Variants in NBEA observed in about 807,000 individuals in gnomAD.
NBEA encodes lysosomal-trafficking regulator 2.
NBEA carries 44 observed loss-of-function variants against 343.4 expected under a neutral mutation model. The ratio of observed to expected loss-of-function variants is 0.13; its 90% confidence interval spans 0.10 to 0.16. The LOEUF (loss-of-function observed/expected upper bound fraction) is 0.16, where lower values mean the gene tolerates loss of function less well. Ranked by LOEUF, NBEA falls within the 10% of genes least tolerant of loss-of-function variation. NBEA has a pLI of 1.00. For synonymous variants in NBEA, 1,175 were observed against 1,238.7 expected, an observed-to-expected ratio of 0.95 and a Z score of 1.08; for missense variants, 2,555 against 3,631.3, an observed-to-expected ratio of 0.70 and a Z score of 7.62.
chr13:35,367,780 T>C (rs2041207870), intron 38 of NBEA, among the ~76,000 whole-genome samples: 2 of 151,412 alleles, frequency 1.3e-5, no homozygotes, highest in South Asian at 4.2e-4. Context: ...GGCAGTAAAA[T>C]ATGCCAAATA....
intron 36 of NBEA, among the ~76,000 whole-genome samples, chr13:35,328,565 T>A (rs929793401): frequency 6.6e-6 from 1 of 151,986 alleles, no homozygotes; most frequent in Admixed American, 6.6e-5. Flanking sequence ...TTGCATGATG[T>A]GATTATCATG....
chr13:35,631,170 T>G (rs1369967235), intron 49 of NBEA, among the ~76,000 whole-genome samples: 1 of 152,202 alleles, frequency 6.6e-6, no homozygotes, highest in Non-Finnish European at 1.5e-5. Flanking sequence ...CATCTATTGT[T>G]ATAAGAAAGA....
chr13:35,598,487 T>G (rs2153046417), intron 47 of NBEA, among the ~76,000 whole-genome samples: 1 of 152,340 alleles, frequency 6.6e-6, no homozygotes, highest in East Asian at 1.9e-4. Flanking sequence ...CTGAGTATCT[T>G]TCTCTGCATG....
At chr13:35,082,898 G>A (rs2064500936) in intron 10 of NBEA, among the ~76,000 whole-genome samples, 2 of 152,094 alleles carry the variant, frequency 1.3e-5, no homozygotes, top group Admixed American at 6.6e-5. Context: ...AGTTTCTTTT[G>A]CTGTGCAGAA....
At chr13:35,156,359 C>G (rs1397662833) in intron 20 of NBEA, among the ~76,000 whole-genome samples, 153 bp downstream of exon 20, 1 of 151,652 alleles carries the variant, frequency 6.6e-6, no homozygotes, top group African/African-American at 2.4e-5. Flanking sequence ...AATCTGTATT[C>G]GGTATTCTTC....
At chr13:35,576,940 A>G (rs747714756) in intron 45 of NBEA, among the ~76,000 whole-genome samples, 2 of 152,246 alleles carry the variant, frequency 1.3e-5, no homozygotes, top group Non-Finnish European at 2.9e-5. Flanking sequence ...TAGAAAGTCA[A>G]CTTATACTGG....
At chr13:35,017,177 C>T (rs2061686788) in intron 1 of NBEA, among the ~76,000 whole-genome samples, 1 of 151,992 alleles carries the variant, frequency 6.6e-6, no homozygotes, top group African/African-American at 2.4e-5. Flanking sequence ...ATAGTGGTGA[C>T]ACAGTTATTT....
chr13:35,577,795 A>C (rs2080818328), intron 45 of NBEA, among the ~76,000 whole-genome samples: 1 of 152,178 alleles, frequency 6.6e-6, no homozygotes, highest in Admixed American at 6.5e-5. Context: ...TGGGTTAAAA[A>C]GATGAGAAAG....
At chr13:35,449,140 A>G (rs1009627382) in intron 39 of NBEA, among the ~76,000 whole-genome samples, 1 of 152,232 alleles carries the variant, frequency 6.6e-6, no homozygotes, top group Non-Finnish European at 1.5e-5. Context: ...ATGAGAGGAT[A>G]AAAGGCCTTG....
intron 28 of NBEA, among the ~76,000 whole-genome samples, chr13:35,180,929 A>C (rs145300662): frequency 7.2e-5 from 11 of 151,868 alleles, no homozygotes; most frequent in African/African-American, 1.2e-4. Flanking sequence ...ATGGTTTTCC[A>C]TTCCTGAGTT....
At chr13:35,554,935 T>C in intron 43 of NBEA, 52 bp from the exon 44 acceptor site, 1 of 878,942 alleles carries the variant, frequency 1.1e-6, no homozygotes, top group Non-Finnish European at 1.7e-6. Context: ...TTGGATTTTT[T>C]AAAGTTATGA....
chr13:35,671,173 A>G lies in NBEA; in HGVS notation c.*182A>G, dbSNP rs2085600351. ...TACTTTGTGTGTTTTTTCACGACTG[A>G]ACACCAGCTGCTATCAAGCAAGCTT... On this transcript the variant is annotated 3_prime_UTR_variant, in exon 59 of 59. Transcript: ENST00000379939. The G allele has an allele frequency of 5.4e-6, 3 of 553,046 alleles. No individual in the cohort carries two copies. The highest frequency in any genetic ancestry group is 9.7e-6 in the Non-Finnish European group (3 of 307,992). 34.3% of individuals were successfully genotyped at this position (553,046 alleles called of 1,614,324 possible).
chr13:35,653,919 G>A (rs911681818), intron 53 of NBEA, among the ~76,000 whole-genome samples: 1 of 152,024 alleles, frequency 6.6e-6, no homozygotes, highest in African/African-American at 2.4e-5. Context: ...TGGGACCCTT[G>A]GTCTTCTTGT....
intron 41 of NBEA, among the ~76,000 whole-genome samples, chr13:35,483,846 A>G (rs1479688556): frequency 1.3e-5 from 2 of 152,094 alleles, no homozygotes; most frequent in East Asian, 1.9e-4. Context: ...TAGCCCATGC[A>G]TGCATGCAGG....
chr13:35,656,853 A>T (rs2084834763), intron 55 of NBEA, among the ~76,000 whole-genome samples: 1 of 152,248 alleles, frequency 6.6e-6, no homozygotes. Context: ...CCCAACAGAG[A>T]TAAAAATTTT....
At chr13:35,010,644 G>A (rs181691684) in intron 1 of NBEA, among the ~76,000 whole-genome samples, 61 of 144,724 alleles carry the variant, frequency 4.2e-4, no homozygotes, top group African/African-American at 1.5e-3. Context: ...GCAGCTTGGG[G>A]AATCTAAGGC....
chr13:35,027,221 G>A (rs1222486402), intron 1 of NBEA, among the ~76,000 whole-genome samples: 2 of 151,980 alleles, frequency 1.3e-5, no homozygotes, highest in East Asian at 1.9e-4. Flanking sequence ...TTATGTACAG[G>A]TTTTGTTGTA....
At chr13:35,092,289 G>A (rs2065124476) in intron 10 of NBEA, among the ~76,000 whole-genome samples, 1 of 151,876 alleles carries the variant, frequency 6.6e-6, no homozygotes. Flanking sequence ...AAACGTATAA[G>A]GAAATTTATG....
At chr13:35,467,553 G>GTA (rs2075441097) in intron 40 of NBEA, among the ~76,000 whole-genome samples, 1 of 151,392 alleles carries the variant, frequency 6.6e-6, no homozygotes, top group Admixed American at 6.6e-5. Context: ...TCCCTACAAT[G>GTA]TATACCACTT....
Sources: allele counts gnomAD v4.1 joint callset (sites outside exome capture counted in the v4.1 genomes callset), GRCh38; gene constraint gnomAD v4.1.1; transcripts MANE v1.5; gene names NCBI Gene and HGNC (gene_info 2026-07-23, HGNC 2026-07-21).